The following NEK7 variants were observed in gnomAD, a reference collection of about 807,000 sequenced individuals.
NEK7 encodes the protein NIMA related kinase 7.
Under a neutral mutation model 44.6 loss-of-function variants are expected in NEK7, and 18 were observed. The ratio of observed to expected loss-of-function variants is 0.40; its 90% confidence interval spans 0.28 to 0.60. NEK7 has a LOEUF of 0.60. NEK7 is among the 20% of genes least tolerant of loss of function. The pLI, the probability that NEK7 is intolerant of heterozygous loss-of-function variation, is 0.38. For synonymous variants in NEK7, 130 were observed against 121.1 expected (o/e 1.07, Z -0.48); for missense variants, 256 against 366.5 (o/e 0.70, Z 2.46).
chr1:198,315,602 A>G (rs373372549), intron 9 of NEK7, among the ~76,000 whole-genome samples: 9 of 152,220 alleles, frequency 5.9e-5, no homozygotes, highest in Non-Finnish European at 1.5e-5. Flanking sequence ...CTGGAAGACT[A>G]TCCAAGAGTG....
intron 1 of NEK7, among the ~76,000 whole-genome samples, chr1:198,209,245 T>A (rs1032407534): frequency 6.6e-6 from 1 of 151,980 alleles, no homozygotes; most frequent in African/African-American, 2.4e-5. Flanking sequence ...TATACTCTTT[T>A]TCATACCCAT....
chr1:198,299,372 G>T (rs547329360), intron 9 of NEK7, among the ~76,000 whole-genome samples: 13 of 152,210 alleles, frequency 8.5e-5, no homozygotes, highest in Non-Finnish European at 1.8e-4. Context: ...TAATTATTCA[G>T]AATTCATGGT....
intron 7 of NEK7, among the ~76,000 whole-genome samples, chr1:198,286,129 A>T (rs1258984831): frequency 2.6e-5 from 4 of 152,158 alleles, no homozygotes; most frequent in African/African-American, 9.7e-5. Context: ...ATAATAAAAA[A>T]TAGTTACTTA....
rs920006386 is a variant in NEK7, at chr1:198,321,680, T to C, written c.*2158T>C. The C allele has an allele frequency of 2.0e-5, 3 of 152,150 alleles. No homozygotes were observed. The highest frequency in any genetic ancestry group is 4.4e-5 in the Non-Finnish European group (3 of 67,982). 9.4% of individuals were successfully genotyped at this position (152,150 alleles called of 1,614,324 possible). On this transcript the variant is annotated 3_prime_UTR_variant, in exon 10 of 10. Transcript: ENST00000367385. ...ACTTTTTGCTTCGAATATTGTATCT[T>C]TTTAAATCTAAATGTTCATATTTTT...
intron 9 of NEK7, among the ~76,000 whole-genome samples, chr1:198,298,622 C>T (rs1341820655): frequency 6.6e-6 from 1 of 152,174 alleles, no homozygotes. Flanking sequence ...CCTGGAAATA[C>T]AGTGGGGTGT....
Position 198,245,362 on chromosome 1 carries a change from G to A in NEK7, c.58-7678G>A, listed in dbSNP as rs200203783. 1.6e-3 allele frequency: 268 copies of A among 169,380 alleles called. 1 individual carries two copies. The highest frequency in any genetic ancestry group is 0.012 in the South Asian group (61 of 4,922). The allele number at this position is 169,380 out of a possible 1,614,324, so 10.5% of individuals were successfully genotyped here. ...ATCCAGGACCCAACATGGTGCCTGC[G>A]TTTGTATGCCTCTTTATAGAGTTGA... On this transcript the variant is annotated intron_variant, in intron 2 of 9. Coordinates refer to ENST00000367385, the MANE Select transcript of NEK7 (RefSeq NM_133494.3).
chr1:198,168,236 A>AG, intron 1 of NEK7, among the ~76,000 whole-genome samples: 1 of 152,276 alleles, frequency 6.6e-6, no homozygotes, highest in East Asian at 1.9e-4. Flanking sequence ...TCAGTTTAAG[A>AG]GTTGAGTGCC....
intron 1 of NEK7, among the ~76,000 whole-genome samples, chr1:198,160,362 T>G (rs2102693787): frequency 6.6e-6 from 1 of 152,114 alleles, no homozygotes; most frequent in African/African-American, 2.4e-5. Flanking sequence ...ATGCACAGTG[T>G]AGTATTTAAA....
chr1:198,171,729 T>G (rs963964454), intron 1 of NEK7, among the ~76,000 whole-genome samples: 2 of 152,092 alleles, frequency 1.3e-5, no homozygotes, highest in African/African-American at 4.8e-5. Flanking sequence ...GGCATTTTCC[T>G]CTGCTGCATC....
At chr1:198,171,622 T>A (rs567759100) in intron 1 of NEK7, among the ~76,000 whole-genome samples, 1 of 150,888 alleles carries the variant, frequency 6.6e-6, no homozygotes, top group South Asian at 2.1e-4. Context: ...GAGGTTACAG[T>A]GAGCTGAGAT....
At chr1:198,159,241 C>G (rs1471663205) in intron 1 of NEK7, among the ~76,000 whole-genome samples, 1 of 152,000 alleles carries the variant, frequency 6.6e-6, no homozygotes, top group African/African-American at 2.4e-5. Flanking sequence ...CGCGTTAGTT[C>G]TTTTTCTAGG....
rs1262531363 is a variant in NEK7 at position 198,279,019 on chromosome 1, G to A, written c.547G>A (p.Gly183Ser). The A allele has an allele frequency of 6.2e-7, 1 of 1,611,072 alleles. No homozygotes were observed. Among genetic ancestry groups the A allele is most frequent in the Non-Finnish European group, 8.5e-7 (1 of 1,177,926 alleles). The change falls in exon 7 of 10, where the codon GGC becomes AGC. Residue 183 changes from glycine (G) to serine (S), a missense_variant. Physicochemically the swap from Gly to Ser is moderately conservative, Grantham distance 56. Transcript: ENST00000367385. ...GVVKLGDLGLGRFFSSKTTAA... is the reference protein window; with the variant it reads ...GVVKLGDLGLSRFFSSKTTAA... ...GGTAAAACTTGGAGATCTTGGGCTT[G>A]GCCGGTTTTTCAGCTCAAAAACCAC...
At chr1:198,193,835 A>G (rs1414295285) in intron 1 of NEK7, among the ~76,000 whole-genome samples, 4 of 152,202 alleles carry the variant, frequency 2.6e-5, no homozygotes, top group Admixed American at 1.3e-4. Flanking sequence ...ATATATGACA[A>G]AAAAGCCATA....
At chr1:198,275,277 T>C (rs1030101376) in intron 5 of NEK7, among the ~76,000 whole-genome samples, 4 of 151,100 alleles carry the variant, frequency 2.6e-5, no homozygotes, top group Non-Finnish European at 5.9e-5. Context: ...TGCCTGCCCA[T>C]AAATTTTCAG....
chr1:198,256,529 G>C (rs763435687), intron 3 of NEK7: 1 of 1,501,978 alleles, frequency 6.7e-7, no homozygotes, highest in Non-Finnish European at 8.9e-7. Context: ...GAAATTCTCT[G>C]TACCAACTTT....
intron 1 of NEK7, chr1:198,221,181 A>G (rs1317991826): frequency 6.6e-6 from 1 of 152,066 alleles, no homozygotes; most frequent in African/African-American, 2.4e-5. Flanking sequence ...CTTTGATAGC[A>G]TCATGGAATT....
chr1:198,290,871 G>A (rs1315512050), intron 7 of NEK7, among the ~76,000 whole-genome samples: 1 of 152,128 alleles, frequency 6.6e-6, no homozygotes, highest in Non-Finnish European at 1.5e-5. Flanking sequence ...AACTGAGTGT[G>A]TAACTTTTTG....
intron 2 of NEK7, among the ~76,000 whole-genome samples, chr1:198,248,776 GAAAT>G (rs1666905014): frequency 6.6e-6 from 1 of 152,026 alleles, no homozygotes; most frequent in African/African-American, 2.4e-5. Context: ...AAATAGCAGA[GAAAT>G]ACTAGATTGG....
chr1:198,305,788 T>C (rs1462261424), intron 9 of NEK7, among the ~76,000 whole-genome samples: 1 of 152,172 alleles, frequency 6.6e-6, no homozygotes, highest in Non-Finnish European at 1.5e-5. Context: ...ATGATCAGAA[T>C]TGGCCTATGA....
Sources: allele counts gnomAD v4.1 joint callset (sites outside exome capture counted in the v4.1 genomes callset), GRCh38; gene constraint gnomAD v4.1.1; transcripts MANE v1.5; gene names NCBI Gene and HGNC (gene_info 2026-07-23, HGNC 2026-07-21).